The following ADK variants were observed in gnomAD, a reference collection of about 807,000 sequenced individuals.
The protein encoded by ADK is N6,N6-dimethyladenosine kinase.
A neutral mutation model predicts 44.7 loss-of-function variants in ADK; 24 were observed. The ratio of observed to expected loss-of-function variants is 0.54; its 90% CI spans 0.39 to 0.76. The LOEUF (loss-of-function observed/expected upper bound fraction) is 0.76, where lower values mean the gene tolerates loss of function less well. ADK is among the 30% of genes least tolerant of loss of function. The pLI, the probability that ADK is intolerant of heterozygous loss-of-function variation, is 0.00. For synonymous variants in ADK, 128 were observed against 142.6 expected (o/e 0.90, Z 0.73); for missense variants, 321 against 425.1 (o/e 0.76, Z 2.15).
At chr10:74,625,774 C>T (rs1589309461) in intron 9 of ADK, among the ~76,000 whole-genome samples, 1 of 152,024 alleles carries the variant, frequency 6.6e-6, no homozygotes, top group East Asian at 1.9e-4. Flanking sequence ...TAAAGATTGG[C>T]TTGGTTTAAA....
intron 4 of ADK, among the ~76,000 whole-genome samples, chr10:74,324,672 A>G (rs1203548419): frequency 2.6e-5 from 4 of 152,120 alleles, no homozygotes; most frequent in African/African-American, 9.7e-5. Flanking sequence ...ATAAACTCTT[A>G]GGTTGATTAC....
chr10:74,576,853 C>T (rs1851200205), intron 7 of ADK, among the ~76,000 whole-genome samples: 1 of 152,034 alleles, frequency 6.6e-6, no homozygotes. Context: ...CACAAGCAGG[C>T]ACTAAGGTTG....
intron 3 of ADK, among the ~76,000 whole-genome samples, chr10:74,295,368 G>A (rs1445243351): frequency 6.6e-6 from 1 of 151,750 alleles, no homozygotes; most frequent in Non-Finnish European, 1.5e-5. Flanking sequence ...AGGCTGAGGT[G>A]GGAGAATCAC....
intron 8 of ADK, among the ~76,000 whole-genome samples, chr10:74,594,171 C>T (rs576429808): frequency 1.2e-4 from 18 of 149,858 alleles, no homozygotes; most frequent in Non-Finnish European, 2.4e-4. Flanking sequence ...CAACATCATA[C>T]ACCGGGGCCT....
At chr10:74,299,892 A>G (rs1308278251) in intron 3 of ADK, among the ~76,000 whole-genome samples, 2 of 152,254 alleles carry the variant, frequency 1.3e-5, no homozygotes, top group East Asian at 3.9e-4. Context: ...ACCACCCATC[A>G]GTTTGATTAC....
chr10:74,688,492 A>G (rs939187504), intron 10 of ADK, among the ~76,000 whole-genome samples: 4 of 152,188 alleles, frequency 2.6e-5, no homozygotes, highest in Non-Finnish European at 5.9e-5. Flanking sequence ...TGCCCCTACC[A>G]TCAAGTAAAG....
At chr10:74,199,933 C>T (rs1156567301) in intron 1 of ADK, among the ~76,000 whole-genome samples, 1 of 152,004 alleles carries the variant, frequency 6.6e-6, no homozygotes, top group African/African-American at 2.4e-5. Context: ...CCACCTCGGC[C>T]TCCCAAAGTG....
chr10:74,555,925 C>T (rs759977085), intron 7 of ADK, among the ~76,000 whole-genome samples: 9 of 152,128 alleles, frequency 5.9e-5, no homozygotes, highest in Non-Finnish European at 8.8e-5. Flanking sequence ...ACATCTGAGA[C>T]GCCATTCATT....
At chr10:74,382,183 C>T (rs1003178769) in intron 4 of ADK, among the ~76,000 whole-genome samples, 7 of 152,184 alleles carry the variant, frequency 4.6e-5, no homozygotes, top group African/African-American at 1.4e-4. Flanking sequence ...ACTGCAGCCT[C>T]TACCTCCCAG....
At chr10:74,610,700 C>A (rs565769701) in intron 9 of ADK, among the ~76,000 whole-genome samples, 3 of 152,148 alleles carry the variant, frequency 2.0e-5, no homozygotes, top group African/African-American at 7.2e-5. Flanking sequence ...TTGAATGAAT[C>A]TGTTGAATAA....
intron 7 of ADK, among the ~76,000 whole-genome samples, chr10:74,587,039 T>C (rs1057136353): frequency 1.3e-5 from 2 of 152,144 alleles, no homozygotes; most frequent in African/African-American, 4.8e-5. Flanking sequence ...ATTTTAGTCC[T>C]ACACATTCTT....
At chr10:74,602,032 A>AAGTTCGAG (rs2133968754) in intron 9 of ADK, among the ~76,000 whole-genome samples, 1 of 148,774 alleles carries the variant, frequency 6.7e-6, no homozygotes, top group South Asian at 2.2e-4. Context: ...TTGAGCCCAG[A>AAGTTCGAG]AGTTCGAGGC....
intron 5 of ADK, among the ~76,000 whole-genome samples, chr10:74,396,216 G>A (rs1372086573): frequency 6.6e-6 from 1 of 152,142 alleles, no homozygotes; most frequent in Non-Finnish European, 1.5e-5. Context: ...GATAGGTCCA[G>A]TAACCTTTGC....
chr10:74,358,371 T>G (rs1842213387), intron 4 of ADK, among the ~76,000 whole-genome samples: 1 of 152,194 alleles, frequency 6.6e-6, no homozygotes. Flanking sequence ...GTAGAACATT[T>G]GATTTAATGT....
In ADK at chr10:74,656,937, G is replaced by A. The variant is rs1216768061; in HGVS notation, c.878-13246G>A. Among the ~76,000 whole-genome samples the A allele has an allele frequency of 2.6e-5, 4 of 152,102 alleles. No individual in the cohort carries two copies. In the East Asian group the frequency reaches 5.8e-4, roughly 22 times the overall value. On this transcript the variant is annotated intron_variant, in intron 9 of 10. Transcript: ENST00000539909. ...TGCGGTGGCACAATCACAGCTCACT[G>A]CATCCTCGAATTCCTGGACTCAAAG...
chr10:74,660,227 C>G (rs943605620), intron 9 of ADK, among the ~76,000 whole-genome samples: 33 of 152,148 alleles, frequency 2.2e-4, no homozygotes, highest in African/African-American at 7.7e-4. Context: ...CTCCTGGACT[C>G]AAACCATCCT....
chr10:74,292,186 C>A (rs897182155), intron 3 of ADK, among the ~76,000 whole-genome samples: 1 of 152,102 alleles, frequency 6.6e-6, no homozygotes. Flanking sequence ...ACCAAGAATA[C>A]CAGTCCTTTA....
intron 3 of ADK, among the ~76,000 whole-genome samples, chr10:74,297,312 A>C (rs1008432348): frequency 6.6e-6 from 1 of 152,324 alleles, no homozygotes; most frequent in Middle Eastern, 3.4e-3. Flanking sequence ...TTTCTCACTT[A>C]TATTGTAAGC....
At chr10:74,599,017 A>T (rs1185170638) in intron 8 of ADK, among the ~76,000 whole-genome samples, 1 of 152,160 alleles carries the variant, frequency 6.6e-6, no homozygotes, top group Non-Finnish European at 1.5e-5. Flanking sequence ...ATTGCATGGC[A>T]TTTTTTGGTC....
Sources: allele counts gnomAD v4.1 joint callset (sites outside exome capture counted in the v4.1 genomes callset), GRCh38; gene constraint gnomAD v4.1.1; transcripts MANE v1.5; gene names NCBI Gene and HGNC (gene_info 2026-07-23, HGNC 2026-07-21).